Variants in PCDHA6 observed in about 807,000 individuals in gnomAD.
The protein encoded by PCDHA6 is protocadherin alpha-6.
In PCDHA6, 55 loss-of-function variants were observed where a neutral mutation model predicts 60.3. That is an observed-to-expected ratio of 0.91 (90% confidence interval 0.73 to 1.14). The LOEUF (loss-of-function observed/expected upper bound fraction) is 1.14, where lower values mean the gene tolerates loss of function less well. Ranked by LOEUF, PCDHA6 falls within the 50% of genes most tolerant of loss-of-function variation. PCDHA6 has a pLI of 0.00. For synonymous variants in PCDHA6, 652 were observed against 557.9 expected, an observed-to-expected ratio of 1.17 and a Z score of -2.38; for missense variants, 1,327 against 1,256.5, an observed-to-expected ratio of 1.06 and a Z score of -0.85.
intron 1 of PCDHA6, chr5:140,877,760 G>C (rs782609531): frequency 6.2e-7 from 1 of 1,614,194 alleles, no homozygotes; most frequent in South Asian, 1.1e-5. Context: ...TCTGCAGAGA[G>C]CCCGCCCAAG....
At chr5:140,841,453 C>A (rs2150315811) in intron 1 of PCDHA6, 1 of 1,612,918 alleles carries the variant, frequency 6.2e-7, no homozygotes, top group South Asian at 1.1e-5. Flanking sequence ...ACGGCACCTT[C>A]GTGGGCCGGA....
intron 1 of PCDHA6, chr5:140,876,818 A>G: frequency 6.2e-7 from 1 of 1,614,158 alleles, no homozygotes; most frequent in Non-Finnish European, 8.5e-7. Flanking sequence ...GCCGACGTGA[A>G]CGACAATGCG....
intron 1 of PCDHA6, among the ~76,000 whole-genome samples, chr5:140,840,382 G>C (rs1456193921): frequency 2.0e-5 from 3 of 151,912 alleles, no homozygotes; most frequent in Admixed American, 2.0e-4. Context: ...GAAAATAGGG[G>C]GTTGCAGATA....
rs1291498310 is a variant in PCDHA6, at chr5:140,946,680, G to A, written c.2395-32269G>A. Among the ~76,000 whole-genome samples, 6 of 145,092 alleles carry A rather than the reference G, an allele frequency of 4.1e-5. No homozygotes were observed. In the East Asian group the frequency reaches 9.9e-4, roughly 24 times the overall value. On this transcript the variant is annotated intron_variant, in intron 1 of 3. Coordinates refer to ENST00000529310, the MANE Select transcript of PCDHA6 (RefSeq NM_018909.4). ...TAGAAAGAATGAAATCCTGTCATTCGTGACAATATGGATGAATCTGGAGGT... is the reference window on the plus strand; with the variant it reads ...TAGAAAGAATGAAATCCTGTCATTCATGACAATATGGATGAATCTGGAGGT...
chr5:140,867,027 C>G (rs1043288554), intron 1 of PCDHA6: 1 of 152,102 alleles, frequency 6.6e-6, no homozygotes, highest in Non-Finnish European at 1.5e-5. Flanking sequence ...ATATCAAACT[C>G]TTTTATGACT....
intron 1 of PCDHA6, chr5:140,865,271 T>C (rs1554159342): frequency 6.6e-6 from 1 of 152,236 alleles, no homozygotes; most frequent in East Asian, 1.9e-4. Flanking sequence ...TCAAATTATA[T>C]GTAAAATTAC....
At chr5:140,836,457 G>C (rs2150261358) in intron 1 of PCDHA6, 2 of 1,613,694 alleles carry the variant, frequency 1.2e-6, no homozygotes, top group Non-Finnish European at 1.7e-6. Context: ...CCCAGAGACC[G>C]AGCTGGTGGA....
At chr5:140,836,587 TA>T (rs2150264756) in intron 1 of PCDHA6, 1 of 1,613,616 alleles carries the variant, frequency 6.2e-7, no homozygotes, top group African/African-American at 1.3e-5. Context: ...TGTAGTTTGG[TA>T]AAGCCCACTC....
chr5:140,839,950 C>T (rs1554137654), intron 1 of PCDHA6, among the ~76,000 whole-genome samples: 2 of 152,022 alleles, frequency 1.3e-5, no homozygotes, highest in Non-Finnish European at 2.9e-5. Context: ...AAGGAGACAA[C>T]ATATTTTCTG....
At chr5:140,870,193 C>T in intron 1 of PCDHA6, 2 of 1,614,156 alleles carry the variant, frequency 1.2e-6, no homozygotes, top group Non-Finnish European at 8.5e-7. Flanking sequence ...GGACGCTCAG[C>T]CCAGCACGGT....
intron 1 of PCDHA6, among the ~76,000 whole-genome samples, chr5:140,965,887 T>C (rs1357808186): frequency 6.6e-6 from 1 of 152,214 alleles, no homozygotes; most frequent in Non-Finnish European, 1.5e-5. Context: ...GAGAGCAGAA[T>C]TGAGTCTTGG....
Position 140,828,394 on chromosome 5 carries a change from G to T in PCDHA6, c.303G>T (p.Glu101Asp). The T allele has an allele frequency of 6.2e-7, 1 of 1,614,292 alleles. No individual in the cohort carries two copies. Among genetic ancestry groups the T allele is most frequent in the Non-Finnish European group, 8.5e-7 (1 of 1,180,050 alleles). Residue 101 changes from glutamate to aspartate, a missense_variant, in exon 1 of 4, where the codon GAG becomes GAT. Glu to Asp is a conservative substitution (Grantham distance 45). Coordinates refer to ENST00000529310, the MANE Select transcript of PCDHA6 (RefSeq NM_018909.4). ...AGGAGCTGTGCGGGCGGAGCGCGGA[G>T]TGCAGCATCCACCTGGAGGTGATCG... is the stretch of plus-strand genomic sequence containing the variant. ...DREELCGRSA[E>D]CSIHLEVIVD...
chr5:140,927,313 G>A (rs1229449253), intron 1 of PCDHA6: 6 of 1,614,074 alleles, frequency 3.7e-6, no homozygotes, highest in Admixed American at 3.3e-5. Context: ...GACGCCCGGA[G>A]CCCGCTTTAC....
intron 1 of PCDHA6, chr5:140,867,192 C>T (rs2049812222): frequency 1.3e-5 from 2 of 152,080 alleles, no homozygotes; most frequent in African/African-American, 4.8e-5. Flanking sequence ...CGCAAGACTC[C>T]ACATTCCATG....
intron 1 of PCDHA6, chr5:140,969,203 G>T (rs781962982): frequency 8.1e-6 from 13 of 1,614,178 alleles, no homozygotes; most frequent in Non-Finnish European, 1.1e-5. Flanking sequence ...CAATACAGGG[G>T]CCCAGACAGG....
At chr5:140,968,116 A>C in intron 1 of PCDHA6, 1 of 1,614,174 alleles carries the variant, frequency 6.2e-7, no homozygotes, top group South Asian at 1.1e-5. Context: ...CGCAGCTCAC[A>C]TCCCTGCGTA....
intron 1 of PCDHA6, among the ~76,000 whole-genome samples, chr5:140,915,224 G>C (rs2077030896): frequency 6.6e-6 from 1 of 152,144 alleles, no homozygotes; most frequent in African/African-American, 2.4e-5. Context: ...TGGGATTACA[G>C]GCATGAGCCA....
intron 1 of PCDHA6, chr5:140,884,380 C>T (rs1281344307): frequency 6.2e-7 from 1 of 1,613,980 alleles, no homozygotes; most frequent in Non-Finnish European, 8.5e-7. Context: ...TCATTGCCAT[C>T]TGCGCGGTGT....
At chr5:140,835,863 CTGG>C in intron 1 of PCDHA6, 1 of 1,612,100 alleles carries the variant, frequency 6.2e-7, no homozygotes, top group Non-Finnish European at 8.5e-7. Context: ...GTCCTACTCG[CTGG>C]TGGAGCTGCG....
Sources: gnomAD v4.1 joint callset for allele counts (sites outside exome capture counted in the v4.1 genomes callset) on GRCh38, gnomAD v4.1.1 for gene constraint, MANE v1.5 for transcripts, NCBI Gene and HGNC (gene_info 2026-07-23, HGNC 2026-07-21) for gene names.